Variants in EGR2 observed in about 807,000 individuals in gnomAD.
EGR2 encodes E3 SUMO-protein ligase EGR2.
EGR2 carries 2 observed loss-of-function variants against 21.2 expected under a neutral mutation model. The observed-to-expected ratio is 0.09, with a 90% CI of 0.04 to 0.30. The LOEUF (loss-of-function observed/expected upper bound fraction) is 0.30, where lower values mean the gene tolerates loss of function less well. EGR2 is among the 10% of genes least tolerant of loss of function. EGR2 has a pLI of 1.00. For missense variants in EGR2, 458 were observed against 630.2 expected (o/e 0.73, Z 2.93); for synonymous variants, 282 against 258.2 (o/e 1.09, Z -0.88).
Position 62,813,235 on chromosome 10 carries a change from G to T in EGR2, c.1403C>A (p.Pro468His). ...SSSLGGGPLA[P>H]CSSRTRTP ...AGGTGTCCGGGTCCGAGAGGAGCAA[G>T]GGGCGAGCGGCCCTCCGCCAAGACT... is the stretch of plus-strand genomic sequence containing the variant. Residue 468 changes from proline to histidine, a missense_variant, in exon 2 of 2, where the codon CCT (proline) becomes CAT (histidine). Transcript: ENST00000242480. This position sits in a 1 kb window ranked among gnomAD's most constrained non-coding sequence, Gnocchi z 5.7. 1 of 1,567,912 alleles carries T rather than the reference G, an allele frequency of 6.4e-7. No individual in the cohort carries two copies.
Position 62,815,963 on chromosome 10 carries a change from C to G in EGR2, c.67G>C (p.Asp23His), listed in dbSNP as rs1564709262. 1.2e-6 allele frequency: 2 copies of G among 1,614,106 alleles called. No individual in the cohort carries two copies. The highest frequency in any genetic ancestry group is 8.5e-7 in the Non-Finnish European group (1 of 1,180,036). ...TLSGFVHQLS[D>H]NIYPVEDLAA... Reference sequence around the variant, plus strand: ...AGGTCCTCCACCGGGTAGATGTTGTCAGACAGCTGGTGCACAAAACCACTG... The same window carrying G: ...AGGTCCTCCACCGGGTAGATGTTGTGAGACAGCTGGTGCACAAAACCACTG... Residue 23 changes from aspartate to histidine, a missense_variant, in exon 1 of 2, where the codon GAC becomes CAC. Around this residue, in one of 5 missense-constraint regions of EGR2, gnomAD observed 91 missense variants for 105.2 expected, o/e 0.87. Transcript: ENST00000242480.
rs1060504688 is a variant in EGR2, at chr10:62,814,131, C to T, written c.507G>A (p.Pro169=). The T allele has an allele frequency of 7.4e-6, 12 of 1,613,576 alleles. No individual in the cohort carries two copies. The highest frequency in any genetic ancestry group is 1.3e-5 in the African/African-American group (1 of 74,814). Residue 169 remains proline (P), a synonymous_variant, in exon 2 of 2, where the codon CCG becomes CCA. Transcript: ENST00000242480. This position sits in a 1 kb window ranked among gnomAD's most constrained non-coding sequence, Gnocchi z 4.8. ...CACAGCCAGAATAAGGAGGAGGAGG[C>T]GGTGGCGGAGAGTACAGGTGGTCCA... The part of the protein sequence containing the change: ...PDLDHLYSPP[P]PPPPYSGCAG...
rs1336127276 is a variant in EGR2 at position 62,812,399 on chromosome 10, T to TG, written c.*807dup. 6.5e-6 allele frequency: 1 copy of TG among 152,796 alleles called. No individual in the cohort carries two copies. Among genetic ancestry groups the TG allele is most frequent in the African/African-American group, 2.4e-5 (1 of 41,454 alleles). 9.5% of individuals were successfully genotyped at this position (152,796 alleles called of 1,614,324 possible). A position where few individuals can be genotyped will look rare whatever the true frequency, so the allele number is the denominator to read the frequency against. On this transcript the variant is annotated 3_prime_UTR_variant, in exon 2 of 2. Coordinates refer to ENST00000242480, the MANE Select transcript of EGR2 (RefSeq NM_000399.5). ...ATGCATCCTAGTTTCAGAGAATATA[T>TG]GTACATCCCCCTTAAATAAGTTAAC...
chr10:62,812,988 TG>T lies in EGR2; in HGVS notation c.*218del. 2.1e-6 allele frequency: 1 copy of T among 466,170 alleles called. No individual in the cohort carries two copies. Among genetic ancestry groups the T allele is most frequent in the African/African-American group, 2.0e-5 (1 of 50,716 alleles). The allele number at this position is 466,170 out of a possible 1,614,324, so 28.9% of individuals were successfully genotyped here. On this transcript the variant is annotated 3_prime_UTR_variant, in exon 2 of 2. Transcript: ENST00000242480. ...CTCCTTCTGAGCCTCCCCTTTGCCT[TG>T]GGTTGATAGTCAACTCACCTAAGAG...
chr10:62,813,865 A>G lies in EGR2; in HGVS notation c.773T>C (p.Val258Ala). The change falls in exon 2 of 2, where the codon GTG (valine) becomes GCG (alanine). Residue 258 changes from valine (V) to alanine (A), a missense_variant. This residue lies in a region of EGR2 where 253 missense variants were observed against 315.5 expected (regional missense o/e 0.80). Coordinates refer to ENST00000242480, the MANE Select transcript of EGR2 (RefSeq NM_000399.5). This position sits in a 1 kb window ranked among gnomAD's most constrained non-coding sequence, Gnocchi z 5.7. ...AGAGAGTGGAGTGAGTGGAGGGGGC[A>G]CCCGCAGGGTGTCCAGTGGGCAGGG... Reference protein sequence around the residue: ...PFPCPLDTLRVPPPLTPLSTI... With the variant: ...PFPCPLDTLRAPPPLTPLSTI... 6.2e-7 allele frequency: 1 copy of G among 1,614,060 alleles called. No homozygotes were observed. Among genetic ancestry groups the G allele is most frequent in the Non-Finnish European group, 8.5e-7 (1 of 1,180,004 alleles).
Position 62,812,903 on chromosome 10 carries a change from A to T in EGR2, c.*304T>A, listed in dbSNP as rs774034911. The T allele has an allele frequency of 1.3e-5, 4 of 296,930 alleles. No homozygotes were observed. Among genetic ancestry groups the T allele is most frequent in the Non-Finnish European group, 2.5e-5 (4 of 160,254 alleles). 18.4% of individuals were successfully genotyped at this position (296,930 alleles called of 1,614,324 possible). A position where few individuals can be genotyped will look rare whatever the true frequency, so the allele number is the denominator to read the frequency against. ...GGAAGTGGGGTAGCAAAACCTAGTC[A>T]AACAACCCTTTAAAGCAGGGTCAGA... On this transcript the variant is annotated 3_prime_UTR_variant, in exon 2 of 2. Transcript: ENST00000242480.
In EGR2 at chr10:62,816,335, C is replaced by G. The variant is rs1842269854; in HGVS notation, c.-306G>C. ...TATAACAGTCAGTGAGTCCCCTCGC[C>G]GAGCTATTAATCAATTGCTCCTCGC... On this transcript the variant is annotated 5_prime_UTR_variant, in exon 1 of 2. Coordinates refer to ENST00000242480, the MANE Select transcript of EGR2 (RefSeq NM_000399.5). The G allele has an allele frequency of 1.6e-6, 2 of 1,261,066 alleles. No individual in the cohort carries two copies. The highest frequency in any genetic ancestry group is 6.8e-5 in the Admixed American group (2 of 29,558). 78.1% of individuals were successfully genotyped at this position (1,261,066 alleles called of 1,614,324 possible). A position where few individuals can be genotyped will look rare whatever the true frequency, so the allele number is the denominator to read the frequency against.
chr10:62,818,915 G>T (rs1838319415), upstream of EGR2, among the ~76,000 whole-genome samples: 1 of 152,146 alleles, frequency 6.6e-6, no homozygotes, highest in South Asian at 2.1e-4. Flanking sequence ...CTGGACGCCC[G>T]AGTGCCCGGC....
chr10:62,818,546 G>A (rs1280720090), upstream of EGR2: 2 of 1,248,334 alleles, frequency 1.6e-6, no homozygotes, highest in African/African-American at 1.6e-5. Flanking sequence ...CTTACCACGT[G>A]CGCCAGCCCA....
At position 62,814,165 on chromosome 10, in the gene EGR2, T is replaced by G; in HGVS notation, c.473A>C (p.Gln158Pro). Residue 158 changes from glutamine to proline, a missense_variant, in exon 2 of 2, where the codon CAG becomes CCG. Transcript: ENST00000242480. The surrounding 1 kb of genome is among the most constrained non-coding windows in gnomAD (Gnocchi z 4.8). ...PLGVCTMSQT[Q>P]PDLDHLYSPP... is the part of the protein sequence containing the mutation. ...AGAGTACAGGTGGTCCAGGTCAGGC[T>G]GGGTCTGGGACATGGTGCACACACC... 1 of 1,614,106 alleles carries G rather than the reference T, an allele frequency of 6.2e-7. No homozygotes were observed. Among genetic ancestry groups the G allele is most frequent in the South Asian group, 1.1e-5 (1 of 91,078 alleles).
chr10:62,816,358 C>T lies in EGR2; in HGVS notation c.-329G>A. 1.6e-6 allele frequency: 2 copies of T among 1,234,792 alleles called. No individual in the cohort carries two copies. The highest frequency in any genetic ancestry group is 3.2e-5 in the South Asian group (2 of 63,382). The allele number at this position is 1,234,792 out of a possible 1,614,324, so 76.5% of individuals were successfully genotyped here. On this transcript the variant is annotated 5_prime_UTR_variant, in exon 1 of 2. Coordinates refer to ENST00000242480, the MANE Select transcript of EGR2 (RefSeq NM_000399.5). ...GCCGAGCTATTAATCAATTGCTCCT[C>T]GCTCAGTTAGACGGAAAGTGTTGCT...
upstream of EGR2, among the ~76,000 whole-genome samples, chr10:62,818,071 G>C (rs746703401): frequency 6.6e-6 from 1 of 152,360 alleles, no homozygotes; most frequent in African/African-American, 2.4e-5. Flanking sequence ...CCCCGGGCCC[G>C]GAGCGGCCCT....
Position 62,816,019 on chromosome 10 carries a change from G to T in EGR2, c.11C>A (p.Ala4Asp). Residue 4 changes from alanine (A) to aspartate (D), a missense_variant, in exon 1 of 2, where the codon GCC (alanine) becomes GAC (aspartate). By Grantham distance (126) the Ala-to-Asp change is moderately radical. This residue lies in a region of EGR2 where 91 missense variants were observed against 105.2 expected (regional missense o/e 0.87). Transcript: ENST00000242480. ...TACTGGGATTTTGTCTACGGCCTTGGCGGTCATCATTTGCTCCTCGCACAA... is the reference window on the plus strand; with the variant it reads ...TACTGGGATTTTGTCTACGGCCTTGTCGGTCATCATTTGCTCCTCGCACAA... MMT[A>D]KAVDKIPVTL... 1 of 1,614,124 alleles carries T rather than the reference G, an allele frequency of 6.2e-7. No homozygotes were observed. Among genetic ancestry groups the T allele is most frequent in the Non-Finnish European group, 8.5e-7 (1 of 1,180,018 alleles).
upstream of EGR2, among the ~76,000 whole-genome samples, chr10:62,817,957 G>A (rs960805285): frequency 6.6e-6 from 1 of 152,232 alleles, no homozygotes; most frequent in Non-Finnish European, 1.5e-5. This position sits in a 1 kb window ranked among gnomAD's most constrained non-coding sequence, Gnocchi z 4.4. Context: ...ATGGTCGTTT[G>A]TGCAGGTTGC....
chr10:62,813,833 G>A lies in EGR2; in HGVS notation c.805C>T (p.Arg269Cys), dbSNP rs1842186521. 1.2e-6 allele frequency: 2 copies of A among 1,614,120 alleles called. No individual in the cohort carries two copies. Among genetic ancestry groups the A allele is most frequent in the African/African-American group, 1.3e-5 (1 of 75,036 alleles). The change falls in exon 2 of 2, where the codon CGT (arginine) becomes TGT (cysteine). Residue 269 changes from arginine to cysteine, a missense_variant. Coordinates refer to ENST00000242480, the MANE Select transcript of EGR2 (RefSeq NM_000399.5). The surrounding 1 kb of genome is among the most constrained non-coding windows in gnomAD (Gnocchi z 5.7). ...CTGGGGCCCCCCAGGGTAAAGTTAC[G>A]GATTGTAGAGAGTGGAGTGAGTGGA... is the stretch of plus-strand genomic sequence containing the variant. ...PPPLTPLSTI[R>C]NFTLGGPSAG...
At chr10:62,818,440 C>T, upstream of EGR2, 1 of 434,256 alleles carries the variant, frequency 2.3e-6, no homozygotes, top group Non-Finnish European at 3.3e-6. Context: ...GCAAGGTTAG[C>T]ACCCTAGTAG....
rs763063180 is a variant in EGR2, at chr10:62,813,168, G to A, written c.*39C>T. ...CAGCTCCAGTGGACAAAGGGCCTCCGGGACCTTTGGGAGCTGGTGTATCAG... is the reference window on the plus strand; with the variant it reads ...CAGCTCCAGTGGACAAAGGGCCTCCAGGACCTTTGGGAGCTGGTGTATCAG... On this transcript the variant is annotated 3_prime_UTR_variant, in exon 2 of 2. Transcript: ENST00000242480. The surrounding 1 kb of genome is among the most constrained non-coding windows in gnomAD (Gnocchi z 5.7). 13 of 1,525,618 alleles carry A rather than the reference G, an allele frequency of 8.5e-6. No individual in the cohort carries two copies. The highest frequency in any genetic ancestry group is 6.4e-5 in the South Asian group (5 of 77,576). The allele number at this position is 1,525,618 out of a possible 1,614,324, so 94.5% of individuals were successfully genotyped here. A position where few individuals can be genotyped will look rare whatever the true frequency, so the allele number is the denominator to read the frequency against.
rs1049912040 is a variant in EGR2, at chr10:62,814,642, G to A, written c.170-174C>T. 1.3e-5 allele frequency among the ~76,000 whole-genome samples: 2 copies of A among 152,162 alleles called. No homozygotes were observed. The highest frequency in any genetic ancestry group is 4.8e-5 in the African/African-American group (2 of 41,432). On this transcript the variant is annotated intron_variant, in intron 1 of 1. Coordinates refer to ENST00000242480, the MANE Select transcript of EGR2 (RefSeq NM_000399.5). This position sits in a 1 kb window ranked among gnomAD's most constrained non-coding sequence, Gnocchi z 4.8. ...GCCCACAGACTGTAAGAAGAGGCCA[G>A]CCCAACTGTGGCAACCCATTGACAG...
In EGR2 at chr10:62,816,054, C is replaced by G. The variant is rs1341753759; in HGVS notation, c.-25G>C. On this transcript the variant is annotated 5_prime_UTR_variant, in exon 1 of 2. Coordinates refer to ENST00000242480, the MANE Select transcript of EGR2 (RefSeq NM_000399.5). ...TTTGCTCCTCGCACAACCTGGAGAC[C>G]CAACTCCCTCGCTACCTGGAGTGTC... is the stretch of plus-strand genomic sequence containing the variant. 2.5e-6 allele frequency: 4 copies of G among 1,613,886 alleles called. No individual in the cohort carries two copies. Among genetic ancestry groups the G allele is most frequent in the Admixed American group, 1.7e-5 (1 of 59,998 alleles).
Sources: gnomAD v4.1 joint callset for allele counts (sites outside exome capture counted in the v4.1 genomes callset) on GRCh38, gnomAD v4.1.1 for gene constraint, gnomAD v4.1.1 regional missense constraint, Gnocchi (gnomAD v3.1) non-coding constraint, MANE v1.5 for transcripts, NCBI Gene and HGNC (gene_info 2026-07-23, HGNC 2026-07-21) for gene names.